LIPA: variants seen among roughly 807,000 people sequenced by gnomAD.
LIPA encodes lipase A, lysosomal acid type, also known as lysosomal acid lipase/cholesteryl ester hydrolase.
Under a neutral mutation model 40.6 loss-of-function variants are expected in LIPA, and 26 were observed. The observed-to-expected ratio is 0.64, with a 90% CI of 0.47 to 0.89. LIPA has a LOEUF of 0.89. Ranked by LOEUF, LIPA falls within the 40% of genes least tolerant of loss-of-function variation. The pLI, the probability that LIPA is intolerant of heterozygous loss-of-function variation, is 0.00. For missense variants in LIPA, 455 were observed against 479.6 expected, an observed-to-expected ratio of 0.95 and a Z score of 0.48; for synonymous variants, 188 against 168.4, an observed-to-expected ratio of 1.12 and a Z score of -0.90.
chr10:89,285,987 C>A lies in LIPA; in HGVS notation c.-1-38338G>T, dbSNP rs572416340. On this transcript the variant is annotated intron_variant, in intron 1 of 5. Coordinates refer to the LIPA transcript ENST00000282673. ...GAACTTAAAACCTCTTCAACTCACA[C>A]CCGACTTAAAACCCAAATGCCTTAT... is the stretch of plus-strand genomic sequence containing the variant. Among the ~76,000 whole-genome samples the A allele has an allele frequency of 3.3e-5, 5 of 152,284 alleles. No homozygotes were observed. The East Asian group carries it at 7.7e-4, about 24-fold the overall frequency.
chr10:89,330,755 A>AC (rs1554875928), intron 1 of LIPA, among the ~76,000 whole-genome samples: 1 of 152,078 alleles, frequency 6.6e-6, no homozygotes, highest in African/African-American at 2.4e-5. Flanking sequence ...TTCACTCAAG[A>AC]TGCCTGATAA....
Position 89,214,250 on chromosome 10 carries a change from T to A in LIPA, c.*578A>T, listed in dbSNP as rs1490343958. On this transcript the variant is annotated 3_prime_UTR_variant, in exon 10 of 10. Coordinates refer to ENST00000336233, the MANE Select transcript of LIPA (RefSeq NM_000235.4). ...AAATCACAGCTGTCACAGTTAGGTT[T>A]GATAAAATTAATTGTTAGCATCCTT... The A allele has an allele frequency of 6.6e-6, 1 of 152,646 alleles. No homozygotes were observed. The highest frequency in any genetic ancestry group is 1.9e-4 in the East Asian group (1 of 5,208). 9.5% of individuals were successfully genotyped at this position (152,646 alleles called of 1,614,324 possible).
At chr10:89,275,388 G>A (rs1225785685) in intron 1 of LIPA, among the ~76,000 whole-genome samples, 1 of 152,172 alleles carries the variant, frequency 6.6e-6, no homozygotes, top group Non-Finnish European at 1.5e-5. Context: ...AGGGGTTAGA[G>A]GCAGTGAGAG....
At chr10:89,223,640 C>G in intron 7 of LIPA, 44 bp downstream of exon 7, 1 of 1,481,146 alleles carries the variant, frequency 6.8e-7, no homozygotes, top group African/African-American at 1.4e-5. Context: ...TAAGCACATT[C>G]ACAGATAAAA....
chr10:89,222,676 C>T (rs1460103621), intron 7 of LIPA, 94 bp from the exon 8 acceptor site: 11 of 835,906 alleles, frequency 1.3e-5, no homozygotes, highest in Non-Finnish European at 4.1e-6. Context: ...GCACTAAAAA[C>T]TAGAGCCATA....
At chr10:89,363,388 T>C (rs771898755) in intron 2 of LIPA, 5 of 152,266 alleles carry the variant, frequency 3.3e-5, no homozygotes, top group Non-Finnish European at 5.9e-5. Flanking sequence ...TCAGCCTGCA[T>C]GATATTAATA....
At chr10:89,307,462 T>C in intron 1 of LIPA, 1 of 1,070,146 alleles carries the variant, frequency 9.3e-7, no homozygotes, top group Non-Finnish European at 1.4e-6. Context: ...ATGTAATGAC[T>C]GGTATGGCAA....
intron 2 of LIPA, among the ~76,000 whole-genome samples, chr10:89,385,749 T>A (rs1388742669): frequency 6.6e-6 from 1 of 152,230 alleles, no homozygotes; most frequent in Non-Finnish European, 1.5e-5. Flanking sequence ...TGTTTACATG[T>A]GTCCAGCTGC....
intron 6 of LIPA, 95 bp from the exon 7 acceptor site, chr10:89,223,925 T>C (rs1842734642): frequency 7.8e-7 from 1 of 1,279,568 alleles, no homozygotes; most frequent in African/African-American, 1.5e-5. Flanking sequence ...AAGTACCCAA[T>C]GTCTCCACGA....
rs1372667243 is a variant in LIPA at position 89,216,117 on chromosome 10, T to A, written c.895-108A>T. The A allele has an allele frequency of 5.2e-6, 4 of 774,156 alleles. No individual in the cohort carries two copies. In the African/African-American group the frequency reaches 6.8e-5, roughly 13 times the overall value. The allele number at this position is 774,156 out of a possible 1,614,324, so 48.0% of individuals were successfully genotyped here. On this transcript the variant is annotated intron_variant, in intron 8 of 9. Coordinates refer to ENST00000336233, the MANE Select transcript of LIPA (RefSeq NM_000235.4). ...CTCGGAAATCAACTTTATACCAATATCCAGATTTACTCTTCATTTCCAAGG... is the reference window on the plus strand; with the variant it reads ...CTCGGAAATCAACTTTATACCAATAACCAGATTTACTCTTCATTTCCAAGG...
At chr10:89,314,392 G>A (rs556969022) in intron 1 of LIPA, among the ~76,000 whole-genome samples, 2 of 152,354 alleles carry the variant, frequency 1.3e-5, no homozygotes, top group South Asian at 2.1e-4. Context: ...ATTTATGCCC[G>A]AGCGCAGTGG....
intron 4 of LIPA, among the ~76,000 whole-genome samples, chr10:89,227,397 T>C (rs1159976031): frequency 6.6e-6 from 1 of 152,238 alleles, no homozygotes; most frequent in Non-Finnish European, 1.5e-5. Flanking sequence ...ATTTGGGTAG[T>C]TTCCTGTTTT....
At chr10:89,227,116 C>A in intron 4 of LIPA, 112 bp from the exon 5 acceptor site, 1 of 756,188 alleles carries the variant, frequency 1.3e-6, no homozygotes, top group Non-Finnish European at 2.4e-6. Flanking sequence ...CTGGGAAAAC[C>A]AGCAGTGAGT....
intron 1 of LIPA, chr10:89,340,250 A>C: frequency 3.7e-6 from 4 of 1,069,298 alleles, no homozygotes; most frequent in Non-Finnish European, 5.2e-6. Flanking sequence ...TGTTGCTCTA[A>C]GGTACATTTT....
intron 2 of LIPA, among the ~76,000 whole-genome samples, chr10:89,408,905 C>T (rs1841446971): frequency 6.6e-6 from 1 of 152,196 alleles, no homozygotes; most frequent in Admixed American, 6.5e-5. Context: ...TATGGATCCC[C>T]ACTGGGACCT....
chr10:89,369,491 C>T (rs958262565), intron 2 of LIPA, among the ~76,000 whole-genome samples: 15 of 143,680 alleles, frequency 1.0e-4, no homozygotes, highest in South Asian at 2.1e-4. Flanking sequence ...TCTCTCCACC[C>T]TGGGAACCAA....
At chr10:89,217,290 G>T (rs1842640700) in intron 8 of LIPA, among the ~76,000 whole-genome samples, 1 of 152,344 alleles carries the variant, frequency 6.6e-6, no homozygotes, top group East Asian at 1.9e-4. Context: ...AGAGTGAGAT[G>T]ATATACTATA....
rs1308141985 is a variant in LIPA, at chr10:89,213,795, T to C, written c.*1033A>G. ...GCAGACAAATATGGACTTCCCAACATAGGGACGTGAAGCAGGTGTATTAAA... is the reference window on the plus strand; with the variant it reads ...GCAGACAAATATGGACTTCCCAACACAGGGACGTGAAGCAGGTGTATTAAA... On this transcript the variant is annotated 3_prime_UTR_variant, in exon 10 of 10. Coordinates refer to ENST00000336233, the MANE Select transcript of LIPA (RefSeq NM_000235.4). The C allele has an allele frequency of 6.6e-6, 1 of 152,146 alleles. No individual in the cohort carries two copies. The highest frequency in any genetic ancestry group is 1.5e-5 in the Non-Finnish European group (1 of 68,022). 9.4% of individuals were successfully genotyped at this position (152,146 alleles called of 1,614,324 possible). A position where few individuals can be genotyped will look rare whatever the true frequency, so the allele number is the denominator to read the frequency against.
intron 2 of LIPA, among the ~76,000 whole-genome samples, chr10:89,352,268 T>C (rs1197546634): frequency 6.6e-6 from 1 of 152,218 alleles, no homozygotes; most frequent in Non-Finnish European, 1.5e-5. Flanking sequence ...AGTCCAGTTT[T>C]GGCCCAATCA....
Sources: allele counts gnomAD v4.1 joint callset (sites outside exome capture counted in the v4.1 genomes callset), GRCh38; gene constraint gnomAD v4.1.1; transcripts MANE v1.5; gene names NCBI Gene and HGNC (gene_info 2026-07-23, HGNC 2026-07-21).